The following NTM variants were observed in gnomAD, a reference collection of about 807,000 sequenced individuals.
NTM encodes the protein IgLON family member 2.
In NTM, 13 loss-of-function variants were observed where a neutral mutation model predicts 42.1. That is an observed-to-expected ratio of 0.31 (90% CI 0.20 to 0.49). NTM has a LOEUF of 0.49. Ranked by LOEUF, NTM falls within the 20% of genes least tolerant of loss-of-function variation. The pLI is 0.99. For missense variants in NTM, 373 were observed against 452.8 expected, an observed-to-expected ratio of 0.82 and a Z score of 1.60; for synonymous variants, 187 against 179.2, an observed-to-expected ratio of 1.04 and a Z score of -0.35.
intron 7 of NTM, among the ~76,000 whole-genome samples, chr11:132,327,252 CT>C (rs1445667329): frequency 6.6e-6 from 1 of 152,210 alleles, no homozygotes; most frequent in Non-Finnish European, 1.5e-5. Context: ...CCCACTGGTC[CT>C]TTGTCTTTTA....
At chr11:131,909,166 T>C (rs1437402988) in intron 1 of NTM, among the ~76,000 whole-genome samples, 1 of 152,214 alleles carries the variant, frequency 6.6e-6, no homozygotes, top group Admixed American at 6.5e-5. Context: ...ACTATGACAA[T>C]GGAAAGGCAA....
intron 1 of NTM, chr11:131,455,537 G>A (rs1950813948): frequency 6.6e-6 from 1 of 152,312 alleles, no homozygotes; most frequent in South Asian, 2.1e-4. Flanking sequence ...GGGAGAGGCT[G>A]AGAAGAATGG....
chr11:131,776,241 C>G (rs1750666615), intron 1 of NTM, among the ~76,000 whole-genome samples: 1 of 152,178 alleles, frequency 6.6e-6, no homozygotes. Flanking sequence ...TCACATTGTC[C>G]TCCAGAATCT....
chr11:131,985,675 G>A (rs2065950451), intron 2 of NTM, among the ~76,000 whole-genome samples: 1 of 152,094 alleles, frequency 6.6e-6, no homozygotes, highest in Non-Finnish European at 1.5e-5. Flanking sequence ...AAGGGCCCGG[G>A]ATTAGGCAGT....
At chr11:131,564,265 C>T (rs1364862029) in intron 1 of NTM, among the ~76,000 whole-genome samples, 2 of 106,988 alleles carry the variant, frequency 1.9e-5, no homozygotes, top group Non-Finnish European at 3.5e-5. Context: ...TTTATTTATG[C>T]CACCTTATTT....
intron 2 of NTM, among the ~76,000 whole-genome samples, chr11:131,976,065 T>C (rs947778932): frequency 6.6e-6 from 1 of 152,008 alleles, no homozygotes; most frequent in Non-Finnish European, 1.5e-5. Flanking sequence ...AAATCTGTGA[T>C]TGGTGCAGTT....
chr11:131,973,256 T>C (rs1565858910), intron 2 of NTM, among the ~76,000 whole-genome samples: 2 of 152,182 alleles, frequency 1.3e-5, no homozygotes, highest in African/African-American at 4.8e-5. Context: ...TCCAATAGGA[T>C]ACAGAGGGGG....
At chr11:131,660,803 T>G (rs2067935282) in intron 1 of NTM, 21 of 1,158,408 alleles carry the variant, frequency 1.8e-5, no homozygotes, top group Non-Finnish European at 2.1e-5. Context: ...TCATTAAATA[T>G]AGAAAGGTAG....
intron 3 of NTM, among the ~76,000 whole-genome samples, chr11:132,160,022 G>T (rs2137586472): frequency 6.6e-6 from 1 of 152,242 alleles, no homozygotes; most frequent in East Asian, 1.9e-4. Context: ...AAACAGACAT[G>T]AAAAAGAGCT....
intron 4 of NTM, among the ~76,000 whole-genome samples, chr11:132,226,001 T>TG (rs1302993579): frequency 6.6e-6 from 1 of 152,178 alleles, no homozygotes; most frequent in African/African-American, 2.4e-5. Context: ...CTGAGAATGA[T>TG]GGTTTCCAGC....
rs1027581541 is a variant in NTM at position 132,146,235 on chromosome 11, C to T, written c.168-47C>T. ...CATGAGGACCTCCCTCTGATGGCTGCTGTCGTCTCTCAGTCCCTTGACGTA... is the reference window on the plus strand; with the variant it reads ...CATGAGGACCTCCCTCTGATGGCTGTTGTCGTCTCTCAGTCCCTTGACGTA... On this transcript the variant is annotated intron_variant, in intron 2 of 8. Coordinates refer to ENST00000683400, the MANE Select transcript of NTM (RefSeq NM_001352005.2). This position sits in a 1 kb window ranked among gnomAD's most constrained non-coding sequence, Gnocchi z 4.5. 8 of 1,603,884 alleles carry T rather than the reference C, an allele frequency of 5.0e-6. No individual in the cohort carries two copies. In the Admixed American group the frequency reaches 1.0e-4, roughly 20 times the overall value.
chr11:132,239,254 G>GT lies in NTM; in HGVS notation c.526+27112dup, dbSNP rs545267851. 5.9e-3 allele frequency among the ~76,000 whole-genome samples: 898 copies of GT among 152,282 alleles called. 9 individuals carry two copies. The highest frequency in any genetic ancestry group is 9.8e-3 in the Non-Finnish European group (668 of 68,016). On this transcript the variant is annotated intron_variant, in intron 4 of 8. Transcript: ENST00000683400. ...TCGGACTCTTGGAATCCAATCTAAT[G>GT]TTTTTCTGTAAAGAGAAATAAATAC... is the stretch of plus-strand genomic sequence containing the variant.
chr11:131,459,474 C>T (rs1010161295), intron 1 of NTM, among the ~76,000 whole-genome samples: 2 of 151,990 alleles, frequency 1.3e-5, no homozygotes, highest in African/African-American at 4.8e-5. Context: ...TCAACTTACA[C>T]ATTGCCAGCT....
At chr11:131,767,946 A>G (rs1035722832) in intron 1 of NTM, among the ~76,000 whole-genome samples, 1 of 152,054 alleles carries the variant, frequency 6.6e-6, no homozygotes, top group Non-Finnish European at 1.5e-5. Context: ...GGAGTGGGTG[A>G]TGAGAGGTCA....
chr11:131,940,919 A>T (rs2059724146), intron 2 of NTM, among the ~76,000 whole-genome samples: 1 of 152,214 alleles, frequency 6.6e-6, no homozygotes, highest in African/African-American at 2.4e-5. Flanking sequence ...TTTAAATAGC[A>T]TTTCTTAATA....
intron 2 of NTM, among the ~76,000 whole-genome samples, chr11:132,030,687 G>A (rs562302300): frequency 6.6e-6 from 1 of 152,310 alleles, no homozygotes; most frequent in African/African-American, 2.4e-5. Context: ...CCTGTGGCAG[G>A]AGTATGCTTT....
chr11:131,598,683 T>TTTTCTTTCTTTCTTTC (rs199821939), intron 1 of NTM, among the ~76,000 whole-genome samples: 4 of 74,812 alleles, frequency 5.3e-5, no homozygotes, highest in Non-Finnish European at 8.9e-5. Context: ...TTCTCATTTG[T>TTTTCTTTCTTTCTTTC]TTTCTTTCTT....
At position 131,452,414 on chromosome 11, in the gene NTM, C is replaced by T. The variant is rs375301187; in HGVS notation, c.82+81526C>T. Among the ~76,000 whole-genome samples, 74 of 152,298 alleles carry T rather than the reference C, an allele frequency of 4.9e-4. 4 individuals are homozygous for T. Among genetic ancestry groups the T allele is most frequent in the Admixed American group, 1.9e-3 (29 of 15,300 alleles). The stretch of plus-strand genomic sequence containing the variant: ...TTGGGAAAAGACATTTCCCGTTTCC[C>T]GAGCTCAGCACCTCCACAGATGGCT... On this transcript the variant is annotated intron_variant, in intron 1 of 8. Transcript: ENST00000683400.
intron 1 of NTM, among the ~76,000 whole-genome samples, chr11:131,585,639 G>T (rs1307496791): frequency 6.6e-6 from 1 of 152,100 alleles, no homozygotes; most frequent in Non-Finnish European, 1.5e-5. Flanking sequence ...AGTTTGAAAG[G>T]CCATGGAGTT....
Sources: gnomAD v4.1 joint callset for allele counts (sites outside exome capture counted in the v4.1 genomes callset) on GRCh38, gnomAD v4.1.1 for gene constraint, Gnocchi (gnomAD v3.1) non-coding constraint, MANE v1.5 for transcripts, NCBI Gene and HGNC (gene_info 2026-07-23, HGNC 2026-07-21) for gene names.